MAPDA: variants seen among roughly 807,000 people sequenced by gnomAD.
MAPDA encodes N6-Methyl-AMP deaminase.
At chr15:43,352,921 GAGAA>G in the MAPDA span, 1 of 151,632 alleles carries the variant, frequency 6.6e-6, no homozygotes, top group African/African-American at 2.4e-5. Context: ...GCTGAGGGGT[GAGAA>G]AGACAGAAAT....
the MAPDA span, chr15:43,336,655 A>G: frequency 6.4e-7 from 1 of 1,569,116 alleles, no homozygotes; most frequent in Non-Finnish European, 8.6e-7. Context: ...ACTATTCATC[A>G]GCTTACTAGT....
chr15:43,334,230 A>G, the MAPDA span, among the ~76,000 whole-genome samples: 1 of 152,220 alleles, frequency 6.6e-6, no homozygotes. Flanking sequence ...GACTAAGGCC[A>G]CACAGCTTCT....
At chr15:43,347,665 A>G in the MAPDA span, among the ~76,000 whole-genome samples, 2 of 152,202 alleles carry the variant, frequency 1.3e-5, no homozygotes, top group Non-Finnish European at 2.9e-5. Flanking sequence ...TCCCCATTTT[A>G]TAAATGGATG....
At chr15:43,340,340 G>T in the MAPDA span, 11 of 1,613,482 alleles carry the variant, frequency 6.8e-6, 1 homozygote, top group East Asian at 2.5e-4. Flanking sequence ...ACCCAGAAGA[G>T]AAAATGCTAC....
At chr15:43,351,219 G>C in the MAPDA span, 1 of 579,506 alleles carries the variant, frequency 1.7e-6, no homozygotes, top group East Asian at 3.1e-5. Flanking sequence ...CCAGCTACTC[G>C]GGAGACTAAG....
the MAPDA span, among the ~76,000 whole-genome samples, chr15:43,345,609 G>GA: frequency 6.6e-6 from 1 of 152,094 alleles, no homozygotes; most frequent in East Asian, 1.9e-4. Flanking sequence ...ACAAATACAG[G>GA]AACAAAAAAA....
chr15:43,336,064 C>T, the MAPDA span, among the ~76,000 whole-genome samples: 1 of 152,038 alleles, frequency 6.6e-6, no homozygotes, highest in African/African-American at 2.4e-5. Context: ...TTTTTTGAGA[C>T]AGGATCTCAC....
At chr15:43,348,845 A>G in the MAPDA span, 3 of 1,550,836 alleles carry the variant, frequency 1.9e-6, no homozygotes, top group African/African-American at 4.1e-5. Flanking sequence ...TAGCTATAGA[A>G]AAAAATACTC....
the MAPDA span, chr15:43,335,259 G>A: frequency 4.0e-4 from 551 of 1,393,778 alleles, 2 homozygotes; most frequent in African/African-American, 7.0e-3. Flanking sequence ...TTTTGGCTGG[G>A]CGCAGTGGCT....
chr15:43,343,034 T>A, the MAPDA span: 1 of 1,590,414 alleles, frequency 6.3e-7, no homozygotes. Flanking sequence ...TACTTGAAGG[T>A]ATAAAACAGT....
At chr15:43,338,631 T>C in the MAPDA span, among the ~76,000 whole-genome samples, 1 of 152,232 alleles carries the variant, frequency 6.6e-6, no homozygotes, top group Non-Finnish European at 1.5e-5. Context: ...ATGTACTTTG[T>C]CTGGAAAAAG....
the MAPDA span, chr15:43,342,990 C>T: frequency 3.2e-6 from 5 of 1,563,938 alleles, no homozygotes; most frequent in South Asian, 3.6e-5. Flanking sequence ...TGTGTCCTTT[C>T]TAGGAATGAC....
the MAPDA span, chr15:43,340,210 A>T: frequency 6.6e-7 from 1 of 1,504,784 alleles, no homozygotes; most frequent in South Asian, 1.2e-5. Context: ...TGGCACATTC[A>T]TTGGGACCCT....
the MAPDA span, among the ~76,000 whole-genome samples, chr15:43,344,864 A>T: frequency 3.9e-5 from 6 of 152,046 alleles, no homozygotes; most frequent in African/African-American, 1.2e-4. Flanking sequence ...AGTCTTATAG[A>T]ATTCCAGCTG....
the MAPDA span, chr15:43,346,031 G>T: frequency 6.2e-7 from 1 of 1,607,866 alleles, no homozygotes; most frequent in Non-Finnish European, 8.5e-7. Context: ...AGAATCAGTG[G>T]GATAAGGACT....
chr15:43,339,203 G>A, the MAPDA span, among the ~76,000 whole-genome samples: 1 of 152,240 alleles, frequency 6.6e-6, no homozygotes, highest in Admixed American at 6.5e-5. Context: ...GCAGTATCAT[G>A]CTCCTTGGAG....
chr15:43,330,480 G>C, the MAPDA span: 6 of 1,520,612 alleles, frequency 3.9e-6, no homozygotes, highest in Middle Eastern at 1.8e-4. Flanking sequence ...TCACGGCTCC[G>C]GGGGCCCATG....
At chr15:43,334,651 A>ATATATTT in the MAPDA span, among the ~76,000 whole-genome samples, 1 of 123,834 alleles carries the variant, frequency 8.1e-6, no homozygotes, top group Non-Finnish European at 1.8e-5. Context: ...ATATATATAT[A>ATATATTT]TATATATATA....
chr15:43,349,776 A>G, the MAPDA span, among the ~76,000 whole-genome samples: 1 of 152,242 alleles, frequency 6.6e-6, no homozygotes, highest in African/African-American at 2.4e-5. Flanking sequence ...TTTTAACTAT[A>G]GAGTTTTCAG....
Sources: allele counts gnomAD v4.1 joint callset (sites outside exome capture counted in the v4.1 genomes callset), GRCh38; gene constraint gnomAD v4.1.1; transcripts MANE v1.5; gene names NCBI Gene and HGNC (gene_info 2026-07-23, HGNC 2026-07-21).